The following RALB variants were observed in gnomAD, a reference collection of about 807,000 sequenced individuals.
RALB encodes RAS like proto-oncogene B.
In RALB, 16 loss-of-function variants were observed where a neutral mutation model predicts 21.3. The ratio of observed to expected loss-of-function variants is 0.75; its 90% CI spans 0.51 to 1.14. The LOEUF (loss-of-function observed/expected upper bound fraction) is 1.14, where lower values mean the gene tolerates loss of function less well. Ranked by LOEUF, RALB falls within the 50% of genes most tolerant of loss-of-function variation. The probability of loss-of-function intolerance (pLI) is 0.00; values close to 1 mark genes in which losing one functional copy is unlikely to be tolerated. For missense variants in RALB, 161 were observed against 256.2 expected, an observed-to-expected ratio of 0.63 and a Z score of 2.54; for synonymous variants, 93 against 96.1, an observed-to-expected ratio of 0.97 and a Z score of 0.19.
chr2:120,287,571 G>T (rs901805377), intron 3 of RALB, among the ~76,000 whole-genome samples: 16 of 152,164 alleles, frequency 1.1e-4, no homozygotes, highest in African/African-American at 3.9e-4. Context: ...TTGATTTCCT[G>T]TTGTTCTGTG....
upstream of RALB, among the ~76,000 whole-genome samples, chr2:120,251,705 G>T (rs771754531): frequency 1.3e-5 from 2 of 152,218 alleles, no homozygotes; most frequent in Non-Finnish European, 2.9e-5. Flanking sequence ...CTAGCAAAGT[G>T]TCTGTCATAC....
At chr2:120,279,934 GGTGGGAATA>G (rs1689943880) in intron 2 of RALB, among the ~76,000 whole-genome samples, 1 of 152,222 alleles carries the variant, frequency 6.6e-6, no homozygotes, top group African/African-American at 2.4e-5. Context: ...GGCTGGGTTA[GGTGGGAATA>G]GTGGTATGTG....
intron 3 of RALB, among the ~76,000 whole-genome samples, chr2:120,288,142 G>A (rs1690211676): frequency 6.6e-6 from 1 of 152,172 alleles, no homozygotes; most frequent in Admixed American, 6.5e-5. Flanking sequence ...CAAGACTAAT[G>A]AGCCAGAAAG....
intron 1 of RALB, among the ~76,000 whole-genome samples, chr2:120,243,165 C>A (rs1409292854): frequency 1.3e-5 from 2 of 152,194 alleles, no homozygotes; most frequent in African/African-American, 4.8e-5. Context: ...GTAGCATTGG[C>A]ACTCCGTCTG....
intron 1 of RALB, among the ~76,000 whole-genome samples, chr2:120,267,095 T>G (rs1689522714): frequency 6.6e-6 from 1 of 152,210 alleles, no homozygotes. Flanking sequence ...GAATAGCATG[T>G]GCACAGAGGT....
intron 1 of RALB, among the ~76,000 whole-genome samples, chr2:120,245,996 G>A (rs1175756771): frequency 6.6e-6 from 1 of 152,244 alleles, no homozygotes; most frequent in East Asian, 1.9e-4. Context: ...CTGGTGGAGC[G>A]AGGGTCTGGG....
At chr2:120,272,894 C>T (rs1430469614) in intron 1 of RALB, among the ~76,000 whole-genome samples, 1 of 152,188 alleles carries the variant, frequency 6.6e-6, no homozygotes, top group Non-Finnish European at 1.5e-5. Flanking sequence ...ACTTACTAAT[C>T]TGTCTGAACC....
intron 1 of RALB, among the ~76,000 whole-genome samples, chr2:120,259,169 A>G (rs1351193805): frequency 1.3e-5 from 2 of 152,202 alleles, no homozygotes; most frequent in Non-Finnish European, 2.9e-5. Context: ...GATTTATTGC[A>G]AAGAGTGAAA....
intron 1 of RALB, among the ~76,000 whole-genome samples, chr2:120,273,727 G>C (rs1003079496): frequency 6.6e-6 from 1 of 152,366 alleles, no homozygotes; most frequent in Middle Eastern, 3.4e-3. Flanking sequence ...AGCACGTTCA[G>C]CTTCTTTCAC....
intron 1 of RALB, among the ~76,000 whole-genome samples, chr2:120,277,066 C>T (rs1249115589): frequency 6.6e-6 from 1 of 152,160 alleles, no homozygotes; most frequent in Non-Finnish European, 1.5e-5. Flanking sequence ...TTTGTTGTCC[C>T]ATAATACTGG....
chr2:120,265,638 A>T lies in RALB; in HGVS notation c.-48+12658A>T, dbSNP rs146537532. 3.0e-3 allele frequency among the ~76,000 whole-genome samples: 455 copies of T among 152,302 alleles called. 1 individual carries two copies. Among genetic ancestry groups the T allele is most frequent in the Non-Finnish European group, 5.0e-3 (342 of 68,028 alleles). Reference sequence around the variant, plus strand: ...CCCCACCCCACTCTAATCCACTCATAGAGCACAGACCATGTAGTGGCTCAG... The same window carrying T: ...CCCCACCCCACTCTAATCCACTCATTGAGCACAGACCATGTAGTGGCTCAG... On this transcript the variant is annotated intron_variant, in intron 1 of 4. Transcript: ENST00000272519.
intron 4 of RALB, 43 bp from the exon 5 acceptor site, chr2:120,293,098 T>C: frequency 6.5e-7 from 1 of 1,537,680 alleles, no homozygotes; most frequent in Non-Finnish European, 8.7e-7. Flanking sequence ...ATTAAATGGC[T>C]CTTTCTTCAC....
chr2:120,284,676 G>T (rs995729028), intron 2 of RALB, among the ~76,000 whole-genome samples: 3 of 151,750 alleles, frequency 2.0e-5, no homozygotes, highest in East Asian at 1.9e-4. Flanking sequence ...AATTTAATAG[G>T]TTTTTTTTGT....
At chr2:120,289,839 G>A in intron 4 of RALB, 82 bp downstream of exon 4, 1 of 1,334,556 alleles carries the variant, frequency 7.5e-7, no homozygotes, top group Non-Finnish European at 1.0e-6. Context: ...GGGTTTTAGG[G>A]AACCATTTAT....
At chr2:120,257,300 A>C (rs569357201) in intron 1 of RALB, among the ~76,000 whole-genome samples, 1 of 152,334 alleles carries the variant, frequency 6.6e-6, no homozygotes, top group Non-Finnish European at 1.5e-5. Flanking sequence ...AACTTTGGAT[A>C]CTGCTTGTTT....
At chr2:120,268,614 T>C (rs1689563691) in intron 1 of RALB, among the ~76,000 whole-genome samples, 1 of 152,076 alleles carries the variant, frequency 6.6e-6, no homozygotes, top group Admixed American at 6.5e-5. Context: ...GTTGAGACTG[T>C]AGTGAGCCAT....
chr2:120,245,450 T>C (rs1306263208), intron 1 of RALB, among the ~76,000 whole-genome samples: 1 of 152,170 alleles, frequency 6.6e-6, no homozygotes, highest in African/African-American at 2.4e-5. Flanking sequence ...AGAGTCCTCA[T>C]GGCCACACCT....
intron 1 of RALB, chr2:120,253,196 C>T (rs1405588947): frequency 1.5e-5 from 5 of 327,190 alleles, no homozygotes; most frequent in African/African-American, 9.0e-5. Flanking sequence ...GCTTCCTGGG[C>T]TGCCTGGGGC....
At chr2:120,249,476 A>G (rs960786860), upstream of RALB, among the ~76,000 whole-genome samples, 4 of 152,194 alleles carry the variant, frequency 2.6e-5, no homozygotes, top group African/African-American at 4.8e-5. Context: ...GGGAGGCTTC[A>G]GGAAGCTTCC....
Sources: allele counts gnomAD v4.1 joint callset (sites outside exome capture counted in the v4.1 genomes callset), GRCh38; gene constraint gnomAD v4.1.1; transcripts MANE v1.5; gene names NCBI Gene and HGNC (gene_info 2026-07-23, HGNC 2026-07-21).